LRCH2: variants seen among roughly 807,000 people sequenced by gnomAD.
The protein encoded by LRCH2 is leucine-rich repeat and calponin homology domain-containing protein 2.
In LRCH2, 38 loss-of-function variants were observed where a neutral mutation model predicts 68.9. The ratio of observed to expected loss-of-function variants is 0.55; its 90% CI spans 0.43 to 0.72. The LOEUF (loss-of-function observed/expected upper bound fraction) is 0.72. LRCH2 is among the 30% of genes least tolerant of loss of function. The probability of loss-of-function intolerance (pLI) is 0.00; values close to 1 mark genes in which losing one functional copy is unlikely to be tolerated. For missense variants in LRCH2, 528 were observed against 572.9 expected (o/e 0.92, Z 0.80); for synonymous variants, 191 against 208.1 (o/e 0.92, Z 0.71).
At chrX:115,216,051 G>T (rs1556571488) in intron 1 of LRCH2, among the ~76,000 whole-genome samples, 1 of 111,436 alleles carries the variant, frequency 9.0e-6, no homozygotes, top group African/African-American at 3.3e-5. Context: ...ATTTAAAATA[G>T]TAAAAATTAG....
chrX:115,171,350 G>A (rs2072603316), intron 5 of LRCH2, among the ~76,000 whole-genome samples: 1 of 110,938 alleles, frequency 9.0e-6, no homozygotes, highest in Non-Finnish European at 1.9e-5. Context: ...CATTTAAAAG[G>A]AAAATTAAAA....
intron 20 of LRCH2, among the ~76,000 whole-genome samples, chrX:115,114,166 C>A (rs2072063901): frequency 9.0e-6 from 1 of 111,265 alleles, no homozygotes; most frequent in Non-Finnish European, 1.9e-5. Context: ...CGATCCATGT[C>A]TTAGTAATAC....
chrX:115,131,112 T>C (rs2072240368), intron 14 of LRCH2, among the ~76,000 whole-genome samples: 1 of 110,553 alleles, frequency 9.0e-6, no homozygotes, highest in Admixed American at 9.7e-5. Context: ...ATATTTGTGG[T>C]CAATTTTTTT....
At chrX:115,227,204 A>T (rs782025709) in intron 1 of LRCH2, among the ~76,000 whole-genome samples, 4 of 109,206 alleles carry the variant, frequency 3.7e-5, no homozygotes, top group Non-Finnish European at 5.7e-5. Flanking sequence ...CAGGAGGATC[A>T]CTTGAGCCCC....
chrX:115,164,988 C>A (rs1242966709), intron 10 of LRCH2, among the ~76,000 whole-genome samples: 1 of 110,684 alleles, frequency 9.0e-6, no homozygotes, highest in Admixed American at 9.7e-5. Flanking sequence ...ATCAGCATGA[C>A]CAAATGGAAA....
intron 1 of LRCH2, among the ~76,000 whole-genome samples, chrX:115,206,110 T>C (rs1383901976): frequency 1.8e-5 from 2 of 111,943 alleles, no homozygotes; most frequent in African/African-American, 6.5e-5. Context: ...TTCGTTCCCC[T>C]CCAAATAAAA....
chrX:115,135,122 C>CT (rs35620352), intron 14 of LRCH2, among the ~76,000 whole-genome samples: 2,175 of 88,178 alleles, frequency 0.025, 40 homozygotes, highest in South Asian at 0.058. Context: ...TCTTTTCTTT[C>CT]TTTTTTTTTT....
chrX:115,115,460 T>G (rs1569511099), intron 20 of LRCH2, among the ~76,000 whole-genome samples: 1 of 109,833 alleles, frequency 9.1e-6, no homozygotes, highest in African/African-American at 3.3e-5. Flanking sequence ...AAAAGAAGAG[T>G]CTTATCAACA....
intron 6 of LRCH2, among the ~76,000 whole-genome samples, chrX:115,168,621 T>A (rs2072582700): frequency 9.0e-6 from 1 of 110,983 alleles, no homozygotes; most frequent in African/African-American, 3.3e-5. Flanking sequence ...TACTGGATGG[T>A]CCTGCTAGAG....
chrX:115,204,887 C>T (rs2072954926), intron 1 of LRCH2, among the ~76,000 whole-genome samples: 1 of 111,976 alleles, frequency 8.9e-6, no homozygotes, highest in African/African-American at 3.2e-5. Context: ...TACCCAGTTC[C>T]AAAGTTGCTT....
chrX:115,146,898 TACATACATACACACAC>T (rs1170846620), intron 14 of LRCH2, among the ~76,000 whole-genome samples: 3 of 62,970 alleles, frequency 4.8e-5, no homozygotes, highest in African/African-American at 1.9e-4. Context: ...TTGGATTTCT[TACATACATACACACAC>T]ACACACACAC....
intron 1 of LRCH2, among the ~76,000 whole-genome samples, chrX:115,213,464 T>TC (rs1294742887): frequency 9.0e-6 from 1 of 111,560 alleles, no homozygotes; most frequent in Non-Finnish European, 1.9e-5. Flanking sequence ...GCCTTTATCA[T>TC]CCATTTGACA....
At chrX:115,127,181 A>C (rs1421123169) in intron 15 of LRCH2, among the ~76,000 whole-genome samples, 1 of 111,524 alleles carries the variant, frequency 9.0e-6, no homozygotes, top group East Asian at 2.8e-4. Context: ...AGTTTGAAAA[A>C]TACTATCTAC....
At chrX:115,232,190 A>G (rs1464185530) in intron 1 of LRCH2, among the ~76,000 whole-genome samples, 13 of 108,191 alleles carry the variant, frequency 1.2e-4, no homozygotes, top group African/African-American at 4.4e-4. Context: ...ATGCCAAGCT[A>G]GGATGCTTAA....
intron 5 of LRCH2, among the ~76,000 whole-genome samples, chrX:115,178,294 G>A (rs1468250988): frequency 8.9e-6 from 1 of 111,915 alleles, no homozygotes; most frequent in Non-Finnish European, 1.9e-5. Context: ...GGAGCTACCA[G>A]TCACATGCAG....
At chrX:115,125,407 A>T (rs1365658349) in intron 16 of LRCH2, among the ~76,000 whole-genome samples, 4 of 57 alleles carry the variant, frequency 0.07, no homozygotes, top group Admixed American at 0.2. Flanking sequence ...ATCATGTGTC[A>T]TATATATATA....
chrX:115,170,807 T>C (rs1446837996), intron 5 of LRCH2, among the ~76,000 whole-genome samples: 1 of 111,845 alleles, frequency 8.9e-6, no homozygotes, highest in Non-Finnish European at 1.9e-5. Flanking sequence ...AAATAATCTA[T>C]GTGATTCTTT....
At chrX:115,227,135 T>C (rs1215644807) in intron 1 of LRCH2, among the ~76,000 whole-genome samples, 1 of 110,406 alleles carries the variant, frequency 9.1e-6, no homozygotes, top group Non-Finnish European at 1.9e-5. Flanking sequence ...TAATCAAAAA[T>C]GTCTTCAGCC....
At chrX:115,160,568 G>A (rs17326506) in intron 11 of LRCH2, among the ~76,000 whole-genome samples, 11,637 of 110,878 alleles carry the variant, frequency 0.1, 603 homozygotes, top group Non-Finnish European at 0.16. Flanking sequence ...TTCCTGGTAG[G>A]CGAGGGTAAT....
Sources: gnomAD v4.1 joint callset for allele counts (sites outside exome capture counted in the v4.1 genomes callset) on GRCh38, gnomAD v4.1.1 for gene constraint, MANE v1.5 for transcripts, NCBI Gene and HGNC (gene_info 2026-07-23, HGNC 2026-07-21) for gene names.